ZPBP: variants seen among roughly 807,000 people sequenced by gnomAD.
ZPBP encodes zona pellucida-binding protein 1.
In ZPBP, 26 loss-of-function variants were observed where a neutral mutation model predicts 44.8. The ratio of observed to expected loss-of-function variants is 0.58; its 90% CI spans 0.43 to 0.81. The LOEUF is 0.81. ZPBP is among the 30% of genes least tolerant of loss of function. The probability of loss-of-function intolerance (pLI) is 0.00; values close to 1 mark genes in which losing one functional copy is unlikely to be tolerated. For missense variants in ZPBP, 409 were observed against 434.0 expected (o/e 0.94, Z 0.51); for synonymous variants, 174 against 153.2 (o/e 1.14, Z -1.00).
At chr7:49,945,906 C>T (rs908383511) in intron 7 of ZPBP, among the ~76,000 whole-genome samples, 3 of 151,662 alleles carry the variant, frequency 2.0e-5, no homozygotes, top group African/African-American at 4.8e-5. Flanking sequence ...GTGGTCTTTT[C>T]CTTCTTTCTT....
At chr7:50,027,779 T>C (rs1012656249) in intron 5 of ZPBP, among the ~76,000 whole-genome samples, 9 of 151,888 alleles carry the variant, frequency 5.9e-5, no homozygotes, top group African/African-American at 2.2e-4. Flanking sequence ...AAGAGAACAA[T>C]ATAAACCATT....
intron 2 of ZPBP, among the ~76,000 whole-genome samples, chr7:49,854,340 G>A (rs1342581099): frequency 6.6e-6 from 1 of 152,158 alleles, no homozygotes; most frequent in African/African-American, 2.4e-5. Context: ...CAATGTAAAC[G>A]TGTTCCTATT....
intron 6 of ZPBP, among the ~76,000 whole-genome samples, chr7:50,016,924 T>A (rs891415629): frequency 1.3e-5 from 2 of 151,988 alleles, no homozygotes; most frequent in African/African-American, 2.4e-5. Context: ...CTTAAGAAAA[T>A]TTTTTAAATG....
intron 2 of ZPBP, among the ~76,000 whole-genome samples, chr7:50,084,669 A>G (rs1802544677): frequency 6.6e-6 from 1 of 151,992 alleles, no homozygotes; most frequent in African/African-American, 2.4e-5. Flanking sequence ...ACTCAGTGAT[A>G]TAAGAACTAC....
chr7:49,892,774 A>T (rs1451204725), intron 2 of ZPBP, among the ~76,000 whole-genome samples: 1 of 152,152 alleles, frequency 6.6e-6, no homozygotes, highest in East Asian at 1.9e-4. Context: ...TTATTCGTTC[A>T]TTTTTCAAAC....
At chr7:49,977,251 A>G (rs977893288) in intron 7 of ZPBP, among the ~76,000 whole-genome samples, 1 of 152,116 alleles carries the variant, frequency 6.6e-6, no homozygotes, top group African/African-American at 2.4e-5. Context: ...TAATGATTCA[A>G]AATAAGAACA....
chr7:49,992,708 C>T (rs369764410), intron 6 of ZPBP, among the ~76,000 whole-genome samples: 1 of 151,926 alleles, frequency 6.6e-6, no homozygotes, highest in East Asian at 1.9e-4. Flanking sequence ...GCAAGTGTAC[C>T]GCTGAACAGA....
chr7:49,851,718 C>G (rs927200027), intron 2 of ZPBP, among the ~76,000 whole-genome samples: 14 of 152,240 alleles, frequency 9.2e-5, no homozygotes, highest in Admixed American at 4.6e-4. Context: ...CTTAGCTGGG[C>G]GTGCTGGCAC....
chr7:49,844,147 C>T, the ZPBP span, among the ~76,000 whole-genome samples: 17 of 152,234 alleles, frequency 1.1e-4, no homozygotes, highest in African/African-American at 3.6e-4. Context: ...GTGTTTGGAC[C>T]GCAACGTGGA....
intron 4 of ZPBP, among the ~76,000 whole-genome samples, chr7:50,053,078 CAA>C (rs2128826856): frequency 6.6e-6 from 1 of 152,146 alleles, no homozygotes; most frequent in South Asian, 2.1e-4. Context: ...TACACACACA[CAA>C]AAGTACACAT....
At position 50,056,807 on chromosome 7, in the gene ZPBP, AAG is replaced by A. The variant is rs532000500; in HGVS notation, c.487+1180_487+1181del. On this transcript the variant is annotated intron_variant, in intron 4 of 7. Transcript: ENST00000046087. ...AAAGAGCAGACAGTAAAACACAGAT[AAG>A]ACAGCTGGGGCACAGAGGGAGATGG... is the stretch of plus-strand genomic sequence containing the variant. Among the ~76,000 whole-genome samples, 166 of 152,292 alleles carry A rather than the reference AAG, an allele frequency of 1.1e-3. 1 individual carries two copies. Among genetic ancestry groups the A allele is most frequent in the Admixed American group, 3.7e-3 (57 of 15,296 alleles).
At chr7:49,974,313 T>TA (rs537934218) in intron 7 of ZPBP, among the ~76,000 whole-genome samples, 4 of 150,722 alleles carry the variant, frequency 2.7e-5, no homozygotes, top group South Asian at 2.1e-4. Flanking sequence ...AATTTACCAA[T>TA]AAAAAAAAAG....
chr7:50,079,376 T>A (rs1802256244), intron 3 of ZPBP, among the ~76,000 whole-genome samples: 1 of 151,670 alleles, frequency 6.6e-6, no homozygotes, highest in South Asian at 2.1e-4. Flanking sequence ...TAGAATAATA[T>A]CTGACACATA....
At position 49,994,201 on chromosome 7, in the gene ZPBP, C is replaced by T. The variant is rs749733728; in HGVS notation, c.784-10682G>A. On this transcript the variant is annotated intron_variant, in intron 6 of 7. Transcript: ENST00000046087. Reference sequence around the variant, plus strand: ...TTTTCCCCACTGAGATTTCCCTTCACAACTGTCCTTCAGGGATGTCCCAGG... The same window carrying T: ...TTTTCCCCACTGAGATTTCCCTTCATAACTGTCCTTCAGGGATGTCCCAGG... 2.7e-4 allele frequency among the ~76,000 whole-genome samples: 41 copies of T among 152,206 alleles called. 1 individual carries two copies. The highest frequency in any genetic ancestry group is 4.3e-4 in the Non-Finnish European group (29 of 68,030).
chr7:49,946,934 A>G (rs1358306187), intron 7 of ZPBP, among the ~76,000 whole-genome samples: 1 of 152,074 alleles, frequency 6.6e-6, no homozygotes, highest in Non-Finnish European at 1.5e-5. Context: ...CCTACCTTGA[A>G]GCTCACTAAT....
intron 2 of ZPBP, among the ~76,000 whole-genome samples, chr7:49,896,988 C>T (rs1299963641): frequency 1.4e-4 from 21 of 149,556 alleles, no homozygotes; most frequent in Admixed American, 6.1e-4. Context: ...CTCCGCTTCC[C>T]GGGTTCACGC....
chr7:50,020,157 G>C (rs1799020078), intron 5 of ZPBP, among the ~76,000 whole-genome samples: 1 of 152,088 alleles, frequency 6.6e-6, no homozygotes, highest in African/African-American at 2.4e-5. Context: ...CTTTTGAATG[G>C]ACTGTCCACA....
At chr7:49,887,423 A>T (rs1003675505) in intron 2 of ZPBP, among the ~76,000 whole-genome samples, 1 of 152,228 alleles carries the variant, frequency 6.6e-6, no homozygotes, top group African/African-American at 2.4e-5. Flanking sequence ...CTTTGGACTG[A>T]TTTTAAATGT....
intron 2 of ZPBP, among the ~76,000 whole-genome samples, chr7:49,876,014 A>G (rs1791400543): frequency 6.6e-6 from 1 of 152,224 alleles, no homozygotes; most frequent in Admixed American, 6.6e-5. Context: ...ATATGGACCC[A>G]GGCAATATTC....
Sources: gnomAD v4.1 joint callset for allele counts (sites outside exome capture counted in the v4.1 genomes callset) on GRCh38, gnomAD v4.1.1 for gene constraint, MANE v1.5 for transcripts, NCBI Gene and HGNC (gene_info 2026-07-23, HGNC 2026-07-21) for gene names.